Variants in UGT1A6 observed in about 807,000 individuals in gnomAD.
UGT1A6 encodes the protein UDP-glucuronosyltransferase 1A6.
A neutral mutation model predicts 44.4 loss-of-function variants in UGT1A6; 32 were observed. That is an observed-to-expected ratio of 0.72 (90% CI 0.54 to 0.97). The LOEUF is 0.97. UGT1A6 is among the 50% of genes least tolerant of loss of function. UGT1A6 has a pLI of 0.00. For missense variants in UGT1A6, 685 were observed against 661.9 expected (o/e 1.03, Z -0.38); for synonymous variants, 238 against 248.5 (o/e 0.96, Z 0.40).
At chr2:233,694,747 G>A (rs1243865745) in intron 1 of UGT1A6, among the ~76,000 whole-genome samples, 5 of 152,170 alleles carry the variant, frequency 3.3e-5, no homozygotes, top group Non-Finnish European at 7.4e-5. Flanking sequence ...ACAGTTGGCA[G>A]TAGCCACTGT....
At position 233,721,862 on chromosome 2, in the gene UGT1A6, T is replaced by C. The variant is rs1254741944; in HGVS notation, c.861+27997T>C. Reference sequence around the variant, plus strand: ...TGTGTCCAGCCCCACTGCTCGGCCCTGGGCACACTTGCCAGCCCCTCCATT... The same window carrying C: ...TGTGTCCAGCCCCACTGCTCGGCCCCGGGCACACTTGCCAGCCCCTCCATT... On this transcript the variant is annotated intron_variant, in intron 1 of 4. Coordinates refer to ENST00000305139, the MANE Select transcript of UGT1A6 (RefSeq NM_001072.4). 6 of 506,358 alleles carry C rather than the reference T, an allele frequency of 1.2e-5. No individual in the cohort carries two copies. The Admixed American group carries it at 1.2e-4, about 10-fold the overall frequency. The allele number at this position is 506,358 out of a possible 1,614,324, so 31.4% of individuals were successfully genotyped here.
At chr2:233,708,809 C>G (rs1241028873) in intron 1 of UGT1A6, 1 of 151,950 alleles carries the variant, frequency 6.6e-6, no homozygotes, top group African/African-American at 2.4e-5. Flanking sequence ...GGCAACTTCC[C>G]CAAATTCTTG....
rs2076117983 is a variant in UGT1A6 at position 233,710,197 on chromosome 2, A to C, written c.861+16332A>C. On this transcript the variant is annotated intron_variant, in intron 1 of 4. Transcript: ENST00000305139. ...ATTGATGGACATGTGGATAGTTTCCAGTTGTTGGCTATTATGAATAAAGCT... is the reference window on the plus strand; with the variant it reads ...ATTGATGGACATGTGGATAGTTTCCCGTTGTTGGCTATTATGAATAAAGCT... 2.0e-5 allele frequency among the ~76,000 whole-genome samples: 3 copies of C among 152,278 alleles called. No individual in the cohort carries two copies. In the South Asian group the frequency reaches 6.2e-4, roughly 32 times the overall value.
chr2:233,721,442 T>G (rs543362846), intron 1 of UGT1A6: 10 of 162,688 alleles, frequency 6.1e-5, no homozygotes, highest in Admixed American at 1.3e-4. Context: ...TTAATGTTGT[T>G]ATAGTGAGCA....
chr2:233,712,741 A>G (rs2076251056), intron 1 of UGT1A6, among the ~76,000 whole-genome samples: 1 of 149,412 alleles, frequency 6.7e-6, no homozygotes. Context: ...TTGAACTTGG[A>G]TGTTCCCCAG....
intron 1 of UGT1A6, among the ~76,000 whole-genome samples, chr2:233,765,979 GCTC>G (rs2126021756): frequency 6.6e-6 from 1 of 152,256 alleles, no homozygotes; most frequent in Middle Eastern, 3.4e-3. Flanking sequence ...GATGTTTACA[GCTC>G]CTGAAGCTCC....
At chr2:233,765,999 C>T (rs1036845415) in intron 1 of UGT1A6, among the ~76,000 whole-genome samples, 2 of 151,990 alleles carry the variant, frequency 1.3e-5, no homozygotes, top group Non-Finnish European at 1.5e-5. Flanking sequence ...CTCCAGTGGG[C>T]GTGGGTTATG....
intron 1 of UGT1A6, chr2:233,713,970 T>A (rs2076359096): frequency 3.1e-6 from 5 of 1,600,488 alleles, no homozygotes; most frequent in Non-Finnish European, 4.3e-6. Context: ...ATTTCATTTC[T>A]GCTTCTCATT....
Position 233,693,342 on chromosome 2 carries a change from G to A in UGT1A6, c.338G>A (p.Arg113Lys), listed in dbSNP as rs747683598. 3.1e-6 allele frequency: 5 copies of A among 1,614,134 alleles called. No homozygotes were observed. The South Asian group carries it at 5.5e-5, about 18-fold the overall frequency. Residue 113 changes from arginine (R) to lysine (K), a missense_variant, in exon 1 of 5, where the codon AGG becomes AAG. Physicochemically the swap from Arg to Lys is conservative, Grantham distance 26. Coordinates refer to ENST00000305139, the MANE Select transcript of UGT1A6 (RefSeq NM_001072.4). ...SFLTAPQTEY[R>K]NNMIVIGLYF... ...CTAACTGCTCCTCAGACAGAGTACA[G>A]GAATAACATGATTGTTATTGGCCTG...
In UGT1A6 at chr2:233,724,595, A is replaced by G. The variant is rs1396568061; in HGVS notation, c.861+30730A>G. Among the ~76,000 whole-genome samples, 12 of 124,834 alleles carry G rather than the reference A, an allele frequency of 9.6e-5. 2 individuals are homozygous for G. In the East Asian group the frequency reaches 3.1e-3, roughly 32 times the overall value. The allele number at this position is 124,834 out of a possible 152,430, so 81.9% of individuals were successfully genotyped here. A position where few individuals can be genotyped will look rare whatever the true frequency, so the allele number is the denominator to read the frequency against. ...GGCAGAGGCGCTCCCCACATCTCAG[A>G]CGATGGGCGGCCGGGCAGAGACGCT... On this transcript the variant is annotated intron_variant, in intron 1 of 4. Coordinates refer to ENST00000305139, the MANE Select transcript of UGT1A6 (RefSeq NM_001072.4).
chr2:233,755,325 G>T, intron 1 of UGT1A6: 1 of 473,384 alleles, frequency 2.1e-6, no homozygotes, highest in Non-Finnish European at 3.6e-6. Flanking sequence ...AAGGCTGCCA[G>T]CACCCGCGCA....
At chr2:233,696,209 G>A (rs2075331761) in intron 1 of UGT1A6, among the ~76,000 whole-genome samples, 1 of 152,136 alleles carries the variant, frequency 6.6e-6, no homozygotes, top group Admixed American at 6.5e-5. Context: ...GTTTATTATA[G>A]CACTATTCAC....
intron 1 of UGT1A6, chr2:233,714,002 A>G: frequency 3.9e-6 from 6 of 1,547,452 alleles, no homozygotes; most frequent in Non-Finnish European, 5.2e-6. Context: ...CTTCAGTGAG[A>G]TAAACTTTTA....
intron 1 of UGT1A6, chr2:233,747,281 A>C: frequency 6.3e-7 from 1 of 1,599,850 alleles, no homozygotes; most frequent in Non-Finnish European, 8.5e-7. Context: ...CTCAGTGCCC[A>C]GCCCTGGGCT....
intron 1 of UGT1A6, among the ~76,000 whole-genome samples, chr2:233,711,920 G>C (rs1379461023): frequency 1.3e-5 from 2 of 152,120 alleles, no homozygotes; most frequent in Non-Finnish European, 2.9e-5. Flanking sequence ...GAGTGCTCAG[G>C]GTCTCTCCAT....
rs1178608845 is a variant in UGT1A6, at chr2:233,760,418, T to A, written c.862-6616T>A. The A allele has an allele frequency of 8.7e-6, 14 of 1,614,198 alleles. No homozygotes were observed. The highest frequency in any genetic ancestry group is 1.1e-5 in the Non-Finnish European group (13 of 1,180,018). On this transcript the variant is annotated intron_variant, in intron 1 of 4. Transcript: ENST00000305139. ...GATGGCAGCCACTGGCTGAGCATGC[T>A]TGGGGCCATCCAGCAGCTGCAGCAG...
At chr2:233,747,780 C>T (rs1371324079) in intron 1 of UGT1A6, 2 of 1,613,384 alleles carry the variant, frequency 1.2e-6, no homozygotes, top group Non-Finnish European at 1.7e-6. Flanking sequence ...GTGTCCAAAT[C>T]CTTCCTCCTA....
At chr2:233,761,009 A>G (rs1395770157) in intron 1 of UGT1A6, 4 of 1,613,884 alleles carry the variant, frequency 2.5e-6, no homozygotes, top group Non-Finnish European at 3.4e-6. Flanking sequence ...CTTCAGAGAG[A>G]GGTGACTGTC....
At chr2:233,714,010 T>C in intron 1 of UGT1A6, 1 of 1,531,204 alleles carries the variant, frequency 6.5e-7, no homozygotes, top group Non-Finnish European at 8.8e-7. Flanking sequence ...AGATAAACTT[T>C]TAAAGGGTCA....
Sources: allele counts gnomAD v4.1 joint callset (sites outside exome capture counted in the v4.1 genomes callset), GRCh38; gene constraint gnomAD v4.1.1; transcripts MANE v1.5; gene names NCBI Gene and HGNC (gene_info 2026-07-23, HGNC 2026-07-21).